The following BAZ2B variants were observed in gnomAD, a reference collection of about 807,000 sequenced individuals.
The protein encoded by BAZ2B is bromodomain adjacent to zinc finger domain protein 2B.
BAZ2B carries 91 observed loss-of-function variants against 246.0 expected under a neutral mutation model. That is an observed-to-expected ratio of 0.37 (90% CI 0.31 to 0.44). The LOEUF is 0.44. BAZ2B is among the 20% of genes least tolerant of loss of function. The probability of loss-of-function intolerance (pLI) is 1.00; values close to 1 mark genes in which losing one functional copy is unlikely to be tolerated. For synonymous variants in BAZ2B, 855 were observed against 860.0 expected, an observed-to-expected ratio of 0.99 and a Z score of 0.10; for missense variants, 2,332 against 2,533.7, an observed-to-expected ratio of 0.92 and a Z score of 1.71.
At chr2:159,375,548 G>A (rs3771698) in intron 25 of BAZ2B, among the ~76,000 whole-genome samples, 14,775 of 152,184 alleles carry the variant, frequency 0.097, 749 homozygotes, top group Middle Eastern at 0.18. Context: ...CTTTGAGGGT[G>A]GGTTAAATAT....
the BAZ2B span, among the ~76,000 whole-genome samples, chr2:159,678,283 G>C: frequency 2.6e-5 from 4 of 152,134 alleles, no homozygotes; most frequent in African/African-American, 9.7e-5. Context: ...TAAGTTATTT[G>C]ATCAAGTTCC....
intron 1 of BAZ2B, among the ~76,000 whole-genome samples, chr2:159,575,068 C>G: frequency 6.6e-6 from 1 of 152,116 alleles, no homozygotes; most frequent in East Asian, 1.9e-4. Flanking sequence ...TGTTACATGA[C>G]AGAAGCCAGT....
intron 2 of BAZ2B, among the ~76,000 whole-genome samples, chr2:159,542,026 G>A (rs970481710): frequency 6.6e-6 from 1 of 152,136 alleles, no homozygotes; most frequent in Non-Finnish European, 1.5e-5. Flanking sequence ...TAAAAGTTAT[G>A]ATAGCTAAAA....
chr2:159,469,643 G>A (rs1331226310), intron 3 of BAZ2B, among the ~76,000 whole-genome samples: 1 of 152,022 alleles, frequency 6.6e-6, no homozygotes, highest in African/African-American at 2.4e-5. Flanking sequence ...GTTTCATCAT[G>A]TTGGCGAGGC....
intron 1 of BAZ2B, among the ~76,000 whole-genome samples, chr2:159,560,473 T>C (rs1203665051): frequency 6.6e-6 from 1 of 152,184 alleles, no homozygotes; most frequent in East Asian, 1.9e-4. Context: ...TTATCTTGGA[T>C]TATGGACCAT....
the BAZ2B span, among the ~76,000 whole-genome samples, chr2:159,661,155 A>G: frequency 6.6e-6 from 1 of 151,932 alleles, no homozygotes; most frequent in Admixed American, 6.6e-5. Context: ...AGATTTGTCT[A>G]TTTTGTTTAG....
At chr2:159,603,522 A>C (rs1056817913) in intron 1 of BAZ2B, among the ~76,000 whole-genome samples, 5 of 152,124 alleles carry the variant, frequency 3.3e-5, no homozygotes, top group Admixed American at 3.3e-4. Context: ...TATCAGTCTA[A>C]CATGGATCTG....
chr2:159,671,629 A>T, the BAZ2B span, among the ~76,000 whole-genome samples: 1 of 152,144 alleles, frequency 6.6e-6, no homozygotes, highest in African/African-American at 2.4e-5. Flanking sequence ...AATGAATACG[A>T]ACTCTTTCTG....
Position 159,347,541 on chromosome 2 carries a change from A to G in BAZ2B, c.5399T>C (p.Leu1800Pro). The G allele has an allele frequency of 1.2e-6, 2 of 1,613,930 alleles. No homozygotes were observed. Among genetic ancestry groups the G allele is most frequent in the Non-Finnish European group, 1.7e-6 (2 of 1,179,894 alleles). Reference sequence around the variant, plus strand: ...CCTTTCTAGATCTTCTACCTGTTGAAGGACACTCAAATCCATTTCCATTGC... The same window carrying G: ...CCTTTCTAGATCTTCTACCTGTTGAGGGACACTCAAATCCATTTCCATTGC... ...EQAMEMDLSV[L>P]QQVEDLERRV... is the part of the protein sequence containing the mutation. The change falls in exon 31 of 37, where the codon CTT becomes CCT. Residue 1800 changes from leucine to proline, a missense_variant. Leu to Pro is a moderately conservative substitution (Grantham distance 98). Transcript: ENST00000392783.
intron 1 of BAZ2B, among the ~76,000 whole-genome samples, chr2:159,604,740 T>G (rs771575397): frequency 6.6e-6 from 1 of 152,074 alleles, no homozygotes; most frequent in Non-Finnish European, 1.5e-5. Flanking sequence ...TAGATAAATG[T>G]TGATGGGAAG....
At chr2:159,348,266 G>T (rs780958277) in intron 30 of BAZ2B, among the ~76,000 whole-genome samples, 20 of 134,640 alleles carry the variant, frequency 1.5e-4, no homozygotes, top group Non-Finnish European at 2.4e-4. Flanking sequence ...AATGCAGTCA[G>T]CTATGACTGC....
chr2:159,536,999 ACCCAAGAG>A (rs2151358990), intron 2 of BAZ2B, among the ~76,000 whole-genome samples: 1 of 152,312 alleles, frequency 6.6e-6, no homozygotes, highest in Admixed American at 6.5e-5. Flanking sequence ...GGCAAAAGCA[ACCCAAGAG>A]TCCATCCACA....
intron 13 of BAZ2B, among the ~76,000 whole-genome samples, chr2:159,427,654 T>G (rs970901921): frequency 6.6e-6 from 1 of 152,190 alleles, no homozygotes; most frequent in East Asian, 1.9e-4. Context: ...ATATTTCATA[T>G]GAAGATGCAG....
At chr2:159,613,352 G>A (rs907312677) in intron 1 of BAZ2B, among the ~76,000 whole-genome samples, 2 of 150,926 alleles carry the variant, frequency 1.3e-5, no homozygotes, top group African/African-American at 4.9e-5. Flanking sequence ...CTATTATCTG[G>A]ATTTTAAAAT....
the BAZ2B span, among the ~76,000 whole-genome samples, chr2:159,663,603 T>C: frequency 6.6e-6 from 1 of 151,594 alleles, no homozygotes; most frequent in East Asian, 1.9e-4. Flanking sequence ...CACTGCAACC[T>C]CTGCCTCCTG....
At chr2:159,354,135 T>C (rs1416053509) in intron 27 of BAZ2B, among the ~76,000 whole-genome samples, 1 of 152,088 alleles carries the variant, frequency 6.6e-6, no homozygotes, top group Non-Finnish European at 1.5e-5. Context: ...AGTAGTGGAG[T>C]ACTAATATTT....
At chr2:159,698,500 T>TC in the BAZ2B span, among the ~76,000 whole-genome samples, 1 of 107,196 alleles carries the variant, frequency 9.3e-6, no homozygotes, top group Non-Finnish European at 1.8e-5. Flanking sequence ...CAAGACCGTG[T>TC]CCCCCACCAT....
chr2:159,373,424 A>C (rs1200031478), intron 26 of BAZ2B, among the ~76,000 whole-genome samples: 3 of 152,244 alleles, frequency 2.0e-5, no homozygotes, highest in Non-Finnish European at 4.4e-5. Flanking sequence ...AAGCTACCTG[A>C]TAAAATAAAA....
intron 28 of BAZ2B, 55 bp downstream of exon 28, chr2:159,349,653 G>A: frequency 4.7e-6 from 7 of 1,488,770 alleles, no homozygotes; most frequent in Non-Finnish European, 6.3e-6. Context: ...AATCTCCATG[G>A]GGTCAAAGAT....
Sources: gnomAD v4.1 joint callset for allele counts (sites outside exome capture counted in the v4.1 genomes callset) on GRCh38, gnomAD v4.1.1 for gene constraint, MANE v1.5 for transcripts, NCBI Gene and HGNC (gene_info 2026-07-23, HGNC 2026-07-21) for gene names.